The following SLX4IP variants were observed in gnomAD, a reference collection of about 807,000 sequenced individuals.
The protein encoded by SLX4IP is SLX4 interacting protein, also known as protein SLX4IP.
In SLX4IP, 34 loss-of-function variants were observed where a neutral mutation model predicts 32.9. The observed-to-expected ratio is 1.03, with a 90% CI of 0.79 to 1.38. The LOEUF is 1.38. Among genes scored for constraint, SLX4IP ranks in the 40% most tolerant of loss-of-function variants. SLX4IP has a pLI of 0.00. For missense variants in SLX4IP, 444 were observed against 479.0 expected (o/e 0.93, Z 0.68); for synonymous variants, 172 against 171.7 (o/e 1.00, Z -0.01).
chr20:10,493,100 G>T (rs2065638831), intron 2 of SLX4IP, among the ~76,000 whole-genome samples: 1 of 151,994 alleles, frequency 6.6e-6, no homozygotes, highest in African/African-American at 2.4e-5. Flanking sequence ...CACTGCCCCT[G>T]GTGGTATGTC....
At chr20:10,452,680 A>AATATATATATATATATATATATATAT (rs1280513421) in intron 1 of SLX4IP, among the ~76,000 whole-genome samples, 1 of 109,520 alleles carries the variant, frequency 9.1e-6, no homozygotes, top group African/African-American at 3.5e-5. Context: ...AAAAAAAAAA[A>AATATATATATATATATATATATATAT]ATATATATAT....
chr20:10,580,479 T>C (rs2058978492), intron 4 of SLX4IP, among the ~76,000 whole-genome samples: 1 of 148,530 alleles, frequency 6.7e-6, no homozygotes, highest in South Asian at 2.2e-4. Flanking sequence ...GTTACTCCCC[T>C]TTGTTAAGTT....
At chr20:10,568,518 C>T (rs572758179) in intron 4 of SLX4IP, among the ~76,000 whole-genome samples, 2 of 152,268 alleles carry the variant, frequency 1.3e-5, no homozygotes, top group South Asian at 2.1e-4. Flanking sequence ...TTATATTAAC[C>T]TTCCATCATT....
At chr20:10,530,468 T>C (rs1203688011) in intron 2 of SLX4IP, among the ~76,000 whole-genome samples, 1 of 152,218 alleles carries the variant, frequency 6.6e-6, no homozygotes, top group Non-Finnish European at 1.5e-5. Flanking sequence ...AAGAAAATGA[T>C]TACCAGTGGT....
At chr20:10,615,629 A>G (rs914513313) in intron 6 of SLX4IP, among the ~76,000 whole-genome samples, 4 of 152,182 alleles carry the variant, frequency 2.6e-5, no homozygotes, top group African/African-American at 9.7e-5. Flanking sequence ...TTAGATATCC[A>G]GGAGGACCCT....
rs375058474 is a variant in SLX4IP at position 10,601,505 on chromosome 20, G to A, written c.317-226G>A. Among the ~76,000 whole-genome samples the A allele has an allele frequency of 2.6e-4, 39 of 152,226 alleles. No individual in the cohort carries two copies. In the East Asian group the frequency reaches 6.4e-3, roughly 25 times the overall value. ...GGGTTTCCTGTAATGTAATGGTCCC[G>A]GGGCGCAGGTGGACCAATTTGCAGC... On this transcript the variant is annotated intron_variant, in intron 5 of 7. Transcript: ENST00000334534.
At chr20:10,444,635 C>CA (rs1290185237) in intron 1 of SLX4IP, among the ~76,000 whole-genome samples, 1 of 152,168 alleles carries the variant, frequency 6.6e-6, no homozygotes, top group Non-Finnish European at 1.5e-5. Flanking sequence ...CTCAGCCTCC[C>CA]AAAGTGCTGG....
chr20:10,543,870 T>G (rs375655299), intron 2 of SLX4IP, among the ~76,000 whole-genome samples: 3 of 152,212 alleles, frequency 2.0e-5, no homozygotes, highest in East Asian at 1.9e-4. Context: ...CCTTCACCAG[T>G]CATGGCAGCT....
intron 6 of SLX4IP, among the ~76,000 whole-genome samples, chr20:10,611,800 G>A (rs988671596): frequency 3.9e-5 from 6 of 152,208 alleles, no homozygotes; most frequent in Non-Finnish European, 7.3e-5. Context: ...AGAAACTGGT[G>A]CTCAGAGAAT....
intron 2 of SLX4IP, among the ~76,000 whole-genome samples, chr20:10,541,525 A>G (rs73243722): frequency 0.077 from 11,699 of 152,294 alleles, 495 homozygotes; most frequent in African/African-American, 0.13. Flanking sequence ...CTGCTTATTA[A>G]CCAATTTAAT....
At chr20:10,606,925 A>G (rs1192797750) in intron 6 of SLX4IP, among the ~76,000 whole-genome samples, 1 of 151,838 alleles carries the variant, frequency 6.6e-6, no homozygotes, top group Non-Finnish European at 1.5e-5. Flanking sequence ...TGAGTTTATT[A>G]TTTTCCTTTC....
chr20:10,579,832 AT>A (rs927073231), intron 4 of SLX4IP, among the ~76,000 whole-genome samples: 9 of 149,534 alleles, frequency 6.0e-5, no homozygotes, highest in Non-Finnish European at 7.4e-5. Context: ...TAATGGAACT[AT>A]TTTTTTTTTC....
At chr20:10,436,151 G>A (rs528365249) in intron 1 of SLX4IP, among the ~76,000 whole-genome samples, 108 of 152,058 alleles carry the variant, frequency 7.1e-4, no homozygotes, top group Non-Finnish European at 1.3e-3. Context: ...GTTGGCTAGC[G>A]TTAAAACTAA....
intron 2 of SLX4IP, among the ~76,000 whole-genome samples, chr20:10,462,400 A>C (rs1195984571): frequency 1.3e-5 from 2 of 152,262 alleles, no homozygotes; most frequent in African/African-American, 2.4e-5. Flanking sequence ...AAAATTTCAG[A>C]ACACTGGGAA....
At chr20:10,467,487 A>G (rs950895047) in intron 2 of SLX4IP, among the ~76,000 whole-genome samples, 4 of 152,206 alleles carry the variant, frequency 2.6e-5, no homozygotes, top group African/African-American at 9.7e-5. Context: ...TTCTCCTGAT[A>G]CTTAAAGTCT....
intron 2 of SLX4IP, among the ~76,000 whole-genome samples, chr20:10,528,723 A>T (rs2065960074): frequency 6.6e-6 from 1 of 152,024 alleles, no homozygotes; most frequent in Non-Finnish European, 1.5e-5. Flanking sequence ...CAGAAGAGAA[A>T]ATCTTTGATA....
intron 6 of SLX4IP, among the ~76,000 whole-genome samples, chr20:10,609,103 G>A (rs987798192): frequency 1.3e-5 from 2 of 152,098 alleles, no homozygotes; most frequent in African/African-American, 4.8e-5. Context: ...AGAAGGAGCA[G>A]CGACCACCCA....
intron 2 of SLX4IP, among the ~76,000 whole-genome samples, chr20:10,460,160 C>T (rs1478564706): frequency 1.3e-5 from 2 of 152,164 alleles, no homozygotes; most frequent in Non-Finnish European, 2.9e-5. Flanking sequence ...TTTGGTCTCA[C>T]CCTAGAAAGA....
chr20:10,562,859 T>C (rs1390169625), intron 4 of SLX4IP, among the ~76,000 whole-genome samples: 4 of 152,252 alleles, frequency 2.6e-5, no homozygotes. Flanking sequence ...CTATTGTGAG[T>C]AGCACTGCAG....
Sources: gnomAD v4.1 joint callset for allele counts (sites outside exome capture counted in the v4.1 genomes callset) on GRCh38, gnomAD v4.1.1 for gene constraint, MANE v1.5 for transcripts, NCBI Gene and HGNC (gene_info 2026-07-23, HGNC 2026-07-21) for gene names.